The following KDM2A variants were observed in gnomAD, a reference collection of about 807,000 sequenced individuals.
KDM2A encodes lysine-specific demethylase 2A.
Under a neutral mutation model 137.3 loss-of-function variants are expected in KDM2A, and 3 were observed. That is an observed-to-expected ratio of 0.02 (90% confidence interval 0.01 to 0.06). The LOEUF (loss-of-function observed/expected upper bound fraction) is 0.06, where lower values mean the gene tolerates loss of function less well. KDM2A is among the 10% of genes least tolerant of loss of function. The pLI is 1.00. For missense variants in KDM2A, 738 were observed against 1,510.6 expected, an observed-to-expected ratio of 0.49 and a Z score of 8.48; for synonymous variants, 512 against 541.5, an observed-to-expected ratio of 0.95 and a Z score of 0.76.
chr11:67,167,436 T>A (rs1590741550), intron 2 of KDM2A, among the ~76,000 whole-genome samples: 1 of 152,194 alleles, frequency 6.6e-6, no homozygotes, highest in East Asian at 1.9e-4. Context: ...GTGGAGGGCT[T>A]GTTTGTGGTC....
rs1486974905 is a variant in KDM2A, at chr11:67,119,936, A to C, written c.-197A>C. ...TCCTGGTCGCTCTGACCCTCTCTGG[A>C]TACTGGGTTGATCCACGGAAAAACC... On this transcript the variant is annotated 5_prime_UTR_variant, in exon 1 of 21. Transcript: ENST00000529006. 1.3e-5 allele frequency: 2 copies of C among 152,200 alleles called. No individual in the cohort carries two copies. Among genetic ancestry groups the C allele is most frequent in the Non-Finnish European group, 1.5e-5 (1 of 68,056 alleles). 9.4% of individuals were successfully genotyped at this position (152,200 alleles called of 1,614,324 possible).
intron 2 of KDM2A, among the ~76,000 whole-genome samples, chr11:67,137,067 C>T (rs958268265): frequency 4.6e-5 from 7 of 152,106 alleles, no homozygotes; most frequent in African/African-American, 1.7e-4. Context: ...GGTAACCAGG[C>T]AAAGATGCAG....
At chr11:67,198,400 T>C (rs983706268) in intron 5 of KDM2A, among the ~76,000 whole-genome samples, 2 of 152,014 alleles carry the variant, frequency 1.3e-5, no homozygotes, top group Non-Finnish European at 2.9e-5. Flanking sequence ...CAATAGCATA[T>C]GCTCACTTCA....
intron 2 of KDM2A, among the ~76,000 whole-genome samples, chr11:67,142,555 C>T (rs1224796202): frequency 4.8e-4 from 5 of 10,500 alleles, no homozygotes; most frequent in African/African-American, 7.4e-4. Flanking sequence ...TGAAGTTGGC[C>T]GGGGGGTTGG....
chr11:67,204,052 C>T (rs949764587), intron 5 of KDM2A, among the ~76,000 whole-genome samples: 5 of 152,052 alleles, frequency 3.3e-5, no homozygotes, highest in Admixed American at 1.3e-4. Flanking sequence ...CTGCCCGCCT[C>T]GGCCTCCCAA....
chr11:67,247,089 T>A (rs1198133785), intron 15 of KDM2A, among the ~76,000 whole-genome samples: 4 of 98,810 alleles, frequency 4.0e-5, no homozygotes, highest in East Asian at 2.7e-4. Context: ...TTTTTTTTTT[T>A]TTTTTTTTTT....
At chr11:67,164,876 T>C (rs1856706764) in intron 2 of KDM2A, among the ~76,000 whole-genome samples, 1 of 151,404 alleles carries the variant, frequency 6.6e-6, no homozygotes, top group Admixed American at 6.6e-5. Context: ...CGGGATTACA[T>C]GTGTGAGCAC....
intron 12 of KDM2A, among the ~76,000 whole-genome samples, chr11:67,232,400 A>G (rs113697506): frequency 4.3e-3 from 649 of 152,352 alleles, no homozygotes; most frequent in Middle Eastern, 0.02. Flanking sequence ...TTTAGATTCA[A>G]ATTTATCTAG....
At chr11:67,224,828 A>ATTT (rs764581976) in intron 10 of KDM2A, among the ~76,000 whole-genome samples, 802 of 66,290 alleles carry the variant, frequency 0.012, 213 homozygotes, top group African/African-American at 0.058. Context: ...CAGCTGCAGC[A>ATTT]TTTTTTTTTT....
intron 5 of KDM2A, among the ~76,000 whole-genome samples, chr11:67,190,858 C>T (rs140711476): frequency 2.0e-3 from 301 of 152,168 alleles, no homozygotes; most frequent in African/African-American, 6.7e-3. Context: ...GACTAAATCA[C>T]TAAGAAATAG....
chr11:67,241,336 T>C (rs1590819984), intron 12 of KDM2A, among the ~76,000 whole-genome samples: 1 of 152,036 alleles, frequency 6.6e-6, no homozygotes, highest in East Asian at 1.9e-4. Context: ...TTGAAGTAAA[T>C]AAAACATCCG....
chr11:67,123,066 G>T (rs1252857963), intron 2 of KDM2A, among the ~76,000 whole-genome samples: 1 of 151,840 alleles, frequency 6.6e-6, no homozygotes, highest in East Asian at 1.9e-4. Flanking sequence ...AAATTCCTGG[G>T]CTCAAGCAAT....
intron 5 of KDM2A, among the ~76,000 whole-genome samples, chr11:67,197,362 G>A (rs996020366): frequency 2.6e-5 from 4 of 152,020 alleles, no homozygotes; most frequent in African/African-American, 7.2e-5. Context: ...TTTTTGTAGA[G>A]ATGGGATTTT....
intron 2 of KDM2A, among the ~76,000 whole-genome samples, chr11:67,164,494 TTTTGTAGCGATGGGACATTGC>T (rs1201093065): frequency 9.2e-5 from 14 of 152,162 alleles, no homozygotes; most frequent in Non-Finnish European, 2.1e-4. Context: ...GTTGTTGTTT[TTTTGTAGCGATGGGACATTGC>T]TCTTTTACCC....
chr11:67,255,109 G>T lies in KDM2A; in HGVS notation c.*54G>T. ...ACCGATCTTCCCCTGACTCCCCACC[G>T]AGGAGAGCCTCTCCTCGACCCTGCA... On this transcript the variant is annotated 3_prime_UTR_variant, in exon 21 of 21. Transcript: ENST00000529006. 4.0e-6 allele frequency: 6 copies of T among 1,517,000 alleles called. No homozygotes were observed. The highest frequency in any genetic ancestry group is 4.5e-6 in the Non-Finnish European group (5 of 1,117,186). 94.0% of individuals were successfully genotyped at this position (1,517,000 alleles called of 1,614,324 possible).
At chr11:67,127,142 G>A (rs2136279776) in intron 2 of KDM2A, among the ~76,000 whole-genome samples, 1 of 152,238 alleles carries the variant, frequency 6.6e-6, no homozygotes, top group Middle Eastern at 3.4e-3. Context: ...CCGTTGCCCA[G>A]GCTAGAGTGC....
intron 6 of KDM2A, among the ~76,000 whole-genome samples, chr11:67,208,334 A>C (rs1382484581): frequency 1.3e-5 from 2 of 151,938 alleles, no homozygotes; most frequent in African/African-American, 4.8e-5. Flanking sequence ...TGGCCTCCCA[A>C]AGTGCTGGGA....
intron 6 of KDM2A, among the ~76,000 whole-genome samples, chr11:67,210,143 A>G (rs1256332242): frequency 4.6e-5 from 7 of 152,112 alleles, no homozygotes; most frequent in Non-Finnish European, 1.5e-5. Flanking sequence ...GAAGGCAGAC[A>G]GATTGCTTGA....
chr11:67,168,569 C>T lies in KDM2A; in HGVS notation c.43-11510C>T, dbSNP rs1485772668. ...ATACACACACACACACACACACAGTCTTGTATGAATTATACACACACACAC... is the reference window on the plus strand; with the variant it reads ...ATACACACACACACACACACACAGTTTTGTATGAATTATACACACACACAC... On this transcript the variant is annotated intron_variant, in intron 2 of 20. Coordinates refer to ENST00000529006, the MANE Select transcript of KDM2A (RefSeq NM_012308.3). 3.4e-3 allele frequency among the ~76,000 whole-genome samples: 36 copies of T among 10,604 alleles called. 2 individuals are homozygous for T. The highest frequency in any genetic ancestry group is 8.8e-3 in the African/African-American group (33 of 3,746). The allele number at this position is 10,604 out of a possible 152,430, so 7.0% of individuals were successfully genotyped here.
Sources: gnomAD v4.1 joint callset for allele counts (sites outside exome capture counted in the v4.1 genomes callset) on GRCh38, gnomAD v4.1.1 for gene constraint, MANE v1.5 for transcripts, NCBI Gene and HGNC (gene_info 2026-07-23, HGNC 2026-07-21) for gene names.